The following FOXN3 variants were observed in gnomAD, a reference collection of about 807,000 sequenced individuals.
FOXN3 encodes forkhead box protein N3.
FOXN3 carries 7 observed loss-of-function variants against 38.4 expected under a neutral mutation model. That is an observed-to-expected ratio of 0.18 (90% confidence interval 0.10 to 0.34). The LOEUF is 0.34. Ranked by LOEUF, FOXN3 falls within the 10% of genes least tolerant of loss-of-function variation. The pLI, the probability that FOXN3 is intolerant of heterozygous loss-of-function variation, is 1.00. For missense variants in FOXN3, 456 were observed against 613.4 expected (o/e 0.74, Z 2.71); for synonymous variants, 230 against 242.2 (o/e 0.95, Z 0.47).
intron 4 of FOXN3, among the ~76,000 whole-genome samples, chr14:89,256,580 T>G (rs1885628642): frequency 6.6e-6 from 1 of 152,224 alleles, no homozygotes; most frequent in Admixed American, 6.5e-5. Context: ...GAGCCTCTGA[T>G]GCTTGGCCCA....
At chr14:89,500,078 C>T (rs1330432658) in intron 1 of FOXN3, among the ~76,000 whole-genome samples, 1 of 152,142 alleles carries the variant, frequency 6.6e-6, no homozygotes, top group Non-Finnish European at 1.5e-5. Flanking sequence ...GTCTCGAACT[C>T]CTGACCTCAG....
intron 4 of FOXN3, among the ~76,000 whole-genome samples, chr14:89,255,126 G>T (rs185621601): frequency 6.6e-6 from 1 of 152,310 alleles, no homozygotes; most frequent in African/African-American, 2.4e-5. Flanking sequence ...CAGCATCAGC[G>T]ACTCCTTCTT....
intron 1 of FOXN3, among the ~76,000 whole-genome samples, chr14:89,494,457 G>C (rs1893639400): frequency 6.6e-6 from 1 of 152,174 alleles, no homozygotes; most frequent in Non-Finnish European, 1.5e-5. Flanking sequence ...CTGCCGGCTG[G>C]GCTGTCTGCT....
chr14:89,266,821 T>G (rs1885994000), intron 4 of FOXN3, among the ~76,000 whole-genome samples: 1 of 152,178 alleles, frequency 6.6e-6, no homozygotes, highest in African/African-American at 2.4e-5. Flanking sequence ...TGGTCAACTG[T>G]GCACTTCTCC....
intron 1 of FOXN3, among the ~76,000 whole-genome samples, chr14:89,455,579 A>G (rs914267997): frequency 6.6e-6 from 1 of 152,158 alleles, no homozygotes; most frequent in African/African-American, 2.4e-5. Context: ...TGGATTAACA[A>G]CCAGCTGAGT....
intron 3 of FOXN3, among the ~76,000 whole-genome samples, chr14:89,295,528 C>T (rs988018296): frequency 6.6e-6 from 1 of 152,080 alleles, no homozygotes; most frequent in African/African-American, 2.4e-5. Context: ...TGAAAAACAG[C>T]GGGAATGCTA....
chr14:89,563,279 A>G (rs1895285716), intron 1 of FOXN3, among the ~76,000 whole-genome samples: 1 of 152,248 alleles, frequency 6.6e-6, no homozygotes. Context: ...GGCACGTTAA[A>G]TAACAAATAT....
At chr14:89,221,989 A>G (rs1461048898) in intron 4 of FOXN3, among the ~76,000 whole-genome samples, 1 of 152,072 alleles carries the variant, frequency 6.6e-6, no homozygotes, top group Non-Finnish European at 1.5e-5. Flanking sequence ...CGCCCGGCTA[A>G]TTTTTTGTAT....
intron 2 of FOXN3, among the ~76,000 whole-genome samples, chr14:89,360,567 A>AGAGG (rs1377274879): frequency 7.0e-6 from 1 of 143,764 alleles, no homozygotes; most frequent in Non-Finnish European, 1.5e-5. Context: ...AGGTGAGGAG[A>AGAGG]GAGAGAGAGA....
At chr14:89,266,808 A>C (rs1481698394) in intron 4 of FOXN3, among the ~76,000 whole-genome samples, 1 of 152,146 alleles carries the variant, frequency 6.6e-6, no homozygotes, top group Non-Finnish European at 1.5e-5. Context: ...GACCGGCTCA[A>C]TATGGTCAAC....
chr14:89,217,227 T>C (rs892380548), intron 4 of FOXN3, among the ~76,000 whole-genome samples: 2 of 152,172 alleles, frequency 1.3e-5, no homozygotes, highest in African/African-American at 2.4e-5. Flanking sequence ...CTGGACCTCC[T>C]GGGCACAAGC....
At chr14:89,444,351 C>CAT (rs10627669) in intron 1 of FOXN3, among the ~76,000 whole-genome samples, 73,773 of 151,380 alleles carry the variant, frequency 0.49, 18,752 homozygotes, top group Middle Eastern at 0.64. Context: ...CCTAGTATCT[C>CAT]ATATGTTTTA....
chr14:89,310,401 A>G (rs3783863), intron 3 of FOXN3, among the ~76,000 whole-genome samples: 143,655 of 152,244 alleles, frequency 0.94, 67,867 homozygotes, highest in East Asian at 0.98. Context: ...AGGAAGTCAC[A>G]GCTTCATGTC....
intron 1 of FOXN3, among the ~76,000 whole-genome samples, chr14:89,524,380 AAAAAAAAAAAAAAAAAAAAAAAAG>A (rs1894387655): frequency 4.7e-5 from 5 of 106,908 alleles, no homozygotes; most frequent in East Asian, 3.4e-4. Flanking sequence ...TCAAAAAAAA[AAAAAAAAAAAAAAAAAAAAAAAAG>A]AAAGAAAGAA....
At chr14:89,499,547 AACTTT>A (rs1429921560) in intron 1 of FOXN3, among the ~76,000 whole-genome samples, 4 of 151,930 alleles carry the variant, frequency 2.6e-5, no homozygotes, top group African/African-American at 4.8e-5. Flanking sequence ...CTTGTTTTTA[AACTTT>A]ACTTTATGCT....
chr14:89,281,118 C>T, intron 3 of FOXN3, 104 bp from the exon 4 acceptor site: 2 of 1,004,868 alleles, frequency 2.0e-6, no homozygotes, highest in Non-Finnish European at 3.0e-6. Flanking sequence ...GTATGCATTA[C>T]TGACACCCTT....
At chr14:89,343,340 C>T (rs1444542238) in intron 3 of FOXN3, among the ~76,000 whole-genome samples, 1 of 152,088 alleles carries the variant, frequency 6.6e-6, no homozygotes, top group Non-Finnish European at 1.5e-5. Flanking sequence ...ATGCAATTCC[C>T]CTATCTACTA....
In FOXN3 at chr14:89,296,779, G is replaced by A. The variant is rs535362840; in HGVS notation, c.681-15765C>T. On this transcript the variant is annotated intron_variant, in intron 3 of 5. Transcript: ENST00000557258. Reference sequence around the variant, plus strand: ...GCCTCCTGAGTAGCTGGGATTACAGGTGCCTGCCACCATGCCTGGCTAATT... The same window carrying A: ...GCCTCCTGAGTAGCTGGGATTACAGATGCCTGCCACCATGCCTGGCTAATT... Among the ~76,000 whole-genome samples, 7 of 152,320 alleles carry A rather than the reference G, an allele frequency of 4.6e-5. No homozygotes were observed. In the South Asian group the frequency reaches 1.5e-3, roughly 32 times the overall value.
intron 1 of FOXN3, among the ~76,000 whole-genome samples, chr14:89,521,283 C>T (rs1414798560): frequency 6.6e-6 from 1 of 151,370 alleles, no homozygotes; most frequent in African/African-American, 2.4e-5. Context: ...GCACTCCAGC[C>T]TGGCAACAGA....
Sources: gnomAD v4.1 joint callset for allele counts (sites outside exome capture counted in the v4.1 genomes callset) on GRCh38, gnomAD v4.1.1 for gene constraint, MANE v1.5 for transcripts, NCBI Gene and HGNC (gene_info 2026-07-23, HGNC 2026-07-21) for gene names.